The following CDH18 variants were observed in gnomAD, a reference collection of about 807,000 sequenced individuals.
CDH18 encodes the protein cadherin-18.
CDH18 carries 31 observed loss-of-function variants against 67.9 expected under a neutral mutation model. That is an observed-to-expected ratio of 0.46 (90% CI 0.34 to 0.62). The LOEUF is 0.62. CDH18 is among the 20% of genes least tolerant of loss of function. The probability of loss-of-function intolerance (pLI) is 0.01; values close to 1 mark genes in which losing one functional copy is unlikely to be tolerated. For missense variants in CDH18, 890 were observed against 975.5 expected, an observed-to-expected ratio of 0.91 and a Z score of 1.17; for synonymous variants, 362 against 347.2, an observed-to-expected ratio of 1.04 and a Z score of -0.48.
intron 1 of CDH18, among the ~76,000 whole-genome samples, chr5:20,395,492 A>G (rs1362364183): frequency 6.6e-6 from 1 of 152,200 alleles, no homozygotes; most frequent in Non-Finnish European, 1.5e-5. Context: ...GGTACATTGT[A>G]GACTACTCAA....
chr5:20,119,007 A>G (rs1748138217), intron 2 of CDH18, among the ~76,000 whole-genome samples: 1 of 152,130 alleles, frequency 6.6e-6, no homozygotes, highest in Non-Finnish European at 1.5e-5. Context: ...TATTTTGCAC[A>G]ATTATACTTT....
At chr5:19,730,309 C>G (rs1455788937) in intron 4 of CDH18, among the ~76,000 whole-genome samples, 1 of 152,186 alleles carries the variant, frequency 6.6e-6, no homozygotes, top group Non-Finnish European at 1.5e-5. Flanking sequence ...TTGATTGACA[C>G]AGAAGGTATT....
chr5:19,573,424 G>A (rs898595658), intron 7 of CDH18, among the ~76,000 whole-genome samples: 2 of 151,928 alleles, frequency 1.3e-5, no homozygotes, highest in Admixed American at 1.3e-4. Context: ...AACTACAGGC[G>A]CCTGCCGCCA....
chr5:20,218,897 T>C (rs568895148), intron 2 of CDH18, among the ~76,000 whole-genome samples: 4 of 37,430 alleles, frequency 1.1e-4, no homozygotes, highest in African/African-American at 2.6e-4. Flanking sequence ...GGGGAGTTTA[T>C]AGCAATAAGT....
At chr5:20,406,806 A>G (rs1191134719) in intron 1 of CDH18, among the ~76,000 whole-genome samples, 1 of 152,174 alleles carries the variant, frequency 6.6e-6, no homozygotes, top group Non-Finnish European at 1.5e-5. Context: ...ATTCAACAAT[A>G]ATGCAAGTAT....
intron 2 of CDH18, among the ~76,000 whole-genome samples, chr5:19,842,806 G>T (rs755766844): frequency 6.6e-6 from 1 of 152,100 alleles, no homozygotes; most frequent in Non-Finnish European, 1.5e-5. Context: ...ACTGATAATG[G>T]ATAATGATGT....
intron 2 of CDH18, among the ~76,000 whole-genome samples, chr5:20,196,952 G>A (rs921349556): frequency 1.3e-5 from 2 of 152,162 alleles, no homozygotes; most frequent in African/African-American, 4.8e-5. Context: ...GGGAAAGAGT[G>A]TTTTAATAGC....
At chr5:20,154,737 A>G (rs1466401949) in intron 2 of CDH18, among the ~76,000 whole-genome samples, 1 of 152,156 alleles carries the variant, frequency 6.6e-6, no homozygotes, top group Non-Finnish European at 1.5e-5. Flanking sequence ...TCAGCAAAAC[A>G]TCATACGCTT....
At chr5:20,077,935 T>A (rs1400991234) in intron 2 of CDH18, among the ~76,000 whole-genome samples, 1 of 152,188 alleles carries the variant, frequency 6.6e-6, no homozygotes, top group African/African-American at 2.4e-5. Flanking sequence ...AAATTAAATT[T>A]ATTTTTCAAT....
At chr5:19,823,681 C>A (rs1461214938) in intron 3 of CDH18, among the ~76,000 whole-genome samples, 3 of 152,086 alleles carry the variant, frequency 2.0e-5, no homozygotes, top group Non-Finnish European at 2.9e-5. Context: ...AGGCAGAAAA[C>A]TAACAAAGAA....
intron 2 of CDH18, among the ~76,000 whole-genome samples, chr5:20,141,431 A>G (rs984310854): frequency 6.6e-6 from 1 of 152,168 alleles, no homozygotes; most frequent in Non-Finnish European, 1.5e-5. Flanking sequence ...GCTGTATGAA[A>G]AAGAATTTAT....
chr5:20,296,193 T>C (rs1747502761), intron 1 of CDH18, among the ~76,000 whole-genome samples: 1 of 150,676 alleles, frequency 6.6e-6, no homozygotes, highest in Non-Finnish European at 1.5e-5. Context: ...TCATAATGGA[T>C]TATTATAATG....
intron 2 of CDH18, among the ~76,000 whole-genome samples, chr5:20,044,462 C>T (rs1740736858): frequency 6.6e-6 from 1 of 152,074 alleles, no homozygotes; most frequent in Non-Finnish European, 1.5e-5. Context: ...ATTCAATGTT[C>T]ACACATATAT....
At chr5:20,139,824 GC>G (rs1169364686) in intron 2 of CDH18, among the ~76,000 whole-genome samples, 10 of 152,184 alleles carry the variant, frequency 6.6e-5, no homozygotes, top group Non-Finnish European at 4.4e-5. Flanking sequence ...AACAACAGGT[GC>G]TGGAGAGGAT....
intron 1 of CDH18, among the ~76,000 whole-genome samples, chr5:20,280,150 T>A (rs1746135921): frequency 6.6e-6 from 1 of 152,056 alleles, no homozygotes; most frequent in African/African-American, 2.4e-5. Flanking sequence ...CTTTTCTTTT[T>A]AATATTGAAA....
chr5:20,515,859 A>G (rs927789786), intron 1 of CDH18, among the ~76,000 whole-genome samples: 1 of 152,076 alleles, frequency 6.6e-6, no homozygotes, highest in Non-Finnish European at 1.5e-5. Context: ...ATGAACATTT[A>G]CAAGTCTATC....
chr5:20,403,611 C>T (rs1198446055), intron 1 of CDH18, among the ~76,000 whole-genome samples: 1 of 152,112 alleles, frequency 6.6e-6, no homozygotes, highest in Non-Finnish European at 1.5e-5. Context: ...GTTTTCTGTG[C>T]AGTAGTTCTC....
At chr5:19,475,331 C>T (rs555675741) in intron 12 of CDH18, among the ~76,000 whole-genome samples, 3 of 151,948 alleles carry the variant, frequency 2.0e-5, no homozygotes, top group African/African-American at 7.2e-5. Context: ...ATAGCTTAGC[C>T]TAGCCTACCT....
chr5:19,596,408 G>A (rs1034187299), intron 6 of CDH18, among the ~76,000 whole-genome samples: 4 of 152,150 alleles, frequency 2.6e-5, no homozygotes, highest in African/African-American at 9.7e-5. Flanking sequence ...TTGAGACAGA[G>A]ACTAGAAGGA....
Sources: allele counts gnomAD v4.1 joint callset (sites outside exome capture counted in the v4.1 genomes callset), GRCh38; gene constraint gnomAD v4.1.1; transcripts MANE v1.5; gene names NCBI Gene and HGNC (gene_info 2026-07-23, HGNC 2026-07-21).